The following SKI variants were observed in gnomAD, a reference collection of about 807,000 sequenced individuals.
The protein encoded by SKI is ski oncogene.
In SKI, 23 loss-of-function variants were observed where a neutral mutation model predicts 59.3. The ratio of observed to expected loss-of-function variants is 0.39; its 90% confidence interval spans 0.28 to 0.55. The LOEUF is 0.55. Ranked by LOEUF, SKI falls within the 20% of genes least tolerant of loss-of-function variation. The pLI is 0.67. For synonymous variants in SKI, 673 were observed against 488.6 expected, an observed-to-expected ratio of 1.38 and a Z score of -4.98; for missense variants, 1,017 against 1,038.9, an observed-to-expected ratio of 0.98 and a Z score of 0.29.
intron 1 of SKI, among the ~76,000 whole-genome samples, chr1:2,297,968 G>A (rs1210209258): frequency 6.6e-6 from 1 of 152,232 alleles, no homozygotes; most frequent in Non-Finnish European, 1.5e-5. Context: ...GCAGGCCTTG[G>A]GGTGTAGCCG....
In SKI at chr1:2,270,329, C is replaced by G. The variant is rs529865857; in HGVS notation, c.970-32649C>G. 2.7e-4 allele frequency among the ~76,000 whole-genome samples: 41 copies of G among 152,332 alleles called. No individual in the cohort carries two copies. The highest frequency in any genetic ancestry group is 6.0e-4 in the African/African-American group (25 of 41,580). ...GGGCTGAGAGATGCTGGTGACACCA[C>G]TCTGACGCCACGGCCTGAGGCAGCC... is the stretch of plus-strand genomic sequence containing the variant. On this transcript the variant is annotated intron_variant, in intron 1 of 6. Transcript: ENST00000378536. The surrounding 1 kb of genome is among the most constrained non-coding windows in gnomAD (Gnocchi z 4.1).
chr1:2,266,226 G>A (rs1431392070), intron 1 of SKI, among the ~76,000 whole-genome samples: 1 of 152,162 alleles, frequency 6.6e-6, no homozygotes, highest in Non-Finnish European at 1.5e-5. Flanking sequence ...CCTGGTGCAA[G>A]CCTCAGGCCT....
intron 1 of SKI, among the ~76,000 whole-genome samples, chr1:2,241,296 T>C (rs1471337474): frequency 6.6e-6 from 1 of 152,250 alleles, no homozygotes; most frequent in Non-Finnish European, 1.5e-5. Flanking sequence ...GTAGAGAGAT[T>C]AGCTCAATGC....
chr1:2,306,942 A>G lies in SKI; in HGVS notation c.*177A>G, dbSNP rs973403226. On this transcript the variant is annotated 3_prime_UTR_variant, in exon 7 of 7. Transcript: ENST00000378536. ...TTTGGAACCCACTGCAAAATTTTCTACTGGCCAAGTTCAAGTGAGTAAGCC... is the reference window on the plus strand; with the variant it reads ...TTTGGAACCCACTGCAAAATTTTCTGCTGGCCAAGTTCAAGTGAGTAAGCC... 1.3e-5 allele frequency: 5 copies of G among 390,954 alleles called. No individual in the cohort carries two copies. The highest frequency in any genetic ancestry group is 7.8e-4 in the Middle Eastern group (1 of 1,276). 24.2% of individuals were successfully genotyped at this position (390,954 alleles called of 1,614,324 possible). A position where few individuals can be genotyped will look rare whatever the true frequency, so the allele number is the denominator to read the frequency against.
At chr1:2,266,223 C>T (rs1639497203) in intron 1 of SKI, among the ~76,000 whole-genome samples, 1 of 152,156 alleles carries the variant, frequency 6.6e-6, no homozygotes, top group African/African-American at 2.4e-5. Context: ...TAGCCTGGTG[C>T]AAGCCTCAGG....
intron 5 of SKI, among the ~76,000 whole-genome samples, chr1:2,305,536 T>G (rs1640549655): frequency 6.6e-6 from 1 of 152,156 alleles, no homozygotes; most frequent in African/African-American, 2.4e-5. Flanking sequence ...TGTGGTGTGT[T>G]TGCAGCGTGG....
rs188223456 is a variant in SKI, at chr1:2,239,835, G to A, written c.969+10100G>A. Among the ~76,000 whole-genome samples the A allele has an allele frequency of 8.5e-3, 1,302 of 152,292 alleles. 9 individuals carry two copies. Among genetic ancestry groups the A allele is most frequent in the Middle Eastern group, 0.027 (8 of 294 alleles). On this transcript the variant is annotated intron_variant, in intron 1 of 6. Coordinates refer to ENST00000378536, the MANE Select transcript of SKI (RefSeq NM_003036.4). ...CCTCCGGGGCGTCCCAGTGTGCCTG[G>A]GCAGTGGCGCAGCTGGCTCCTTCCA... is the stretch of plus-strand genomic sequence containing the variant.
At chr1:2,243,254 C>A (rs1273636107) in intron 1 of SKI, among the ~76,000 whole-genome samples, 1 of 152,252 alleles carries the variant, frequency 6.6e-6, no homozygotes, top group Non-Finnish European at 1.5e-5. Context: ...ACAAACACAT[C>A]ACACGGGCTT....
chr1:2,282,408 CAGAGAGAGG>C (rs1639909420), intron 1 of SKI, among the ~76,000 whole-genome samples: 1 of 59,966 alleles, frequency 1.7e-5, no homozygotes, highest in African/African-American at 6.9e-5. Context: ...CGGAGATCTT[CAGAGAGAGG>C]ATGCCCGAGA....
At chr1:2,237,446 G>A (rs1449706597) in intron 1 of SKI, among the ~76,000 whole-genome samples, 1 of 152,184 alleles carries the variant, frequency 6.6e-6, no homozygotes, top group African/African-American at 2.4e-5. Flanking sequence ...CCAGGTGTCC[G>A]CTAATTACGT....
chr1:2,306,691 C>T lies in SKI; in HGVS notation c.2113C>T (p.Leu705=). The T allele has an allele frequency of 1.3e-6, 2 of 1,543,986 alleles. No homozygotes were observed. Among genetic ancestry groups the T allele is most frequent in the South Asian group, 1.2e-5 (1 of 83,694 alleles). The change falls in exon 7 of 7, where the codon CTG becomes TTG. Residue 705 remains leucine, a synonymous_variant. Transcript: ENST00000378536. ...GCACCTGGAGAAGGTGGTGAAGGAG[C>T]TGCAGGAACAGCTGTGGCCGCGGGC... ...REHLEKVVKE[L]QEQLWPRARP...
At chr1:2,252,698 G>T (rs1008422907) in intron 1 of SKI, among the ~76,000 whole-genome samples, 1 of 152,128 alleles carries the variant, frequency 6.6e-6, no homozygotes, top group Non-Finnish European at 1.5e-5. Context: ...CGTGGTATGG[G>T]TTCCTCCCTC....
intron 1 of SKI, among the ~76,000 whole-genome samples, chr1:2,299,262 G>A (rs1001373550): frequency 1.3e-5 from 2 of 150,300 alleles, no homozygotes; most frequent in African/African-American, 4.9e-5. Context: ...GAGGGGGGGG[G>A]CCACACGGGC....
intron 1 of SKI, among the ~76,000 whole-genome samples, chr1:2,300,231 G>T (rs769033039): frequency 6.6e-6 from 1 of 152,258 alleles, no homozygotes; most frequent in Non-Finnish European, 1.5e-5. Context: ...GCGGTGTGTC[G>T]TCTGGCCTCC....
intron 1 of SKI, among the ~76,000 whole-genome samples, chr1:2,296,208 G>C (rs563726956): frequency 8.7e-5 from 13 of 149,344 alleles, no homozygotes; most frequent in Admixed American, 1.3e-4. Flanking sequence ...GTGAAACCTT[G>C]TCTCTAGGAA....
chr1:2,231,551 C>T (rs1638638262), intron 1 of SKI, among the ~76,000 whole-genome samples: 1 of 152,212 alleles, frequency 6.6e-6, no homozygotes, highest in Non-Finnish European at 1.5e-5. Flanking sequence ...TAGAGACAGG[C>T]CAGACAGGCT....
intron 1 of SKI, among the ~76,000 whole-genome samples, chr1:2,295,121 C>T (rs531619807): frequency 1.3e-5 from 2 of 152,378 alleles, no homozygotes; most frequent in African/African-American, 4.8e-5. Flanking sequence ...CAGGTGAGCG[C>T]TGCCTGACCC....
chr1:2,283,437 T>C (rs193137553), intron 1 of SKI, among the ~76,000 whole-genome samples: 8 of 151,972 alleles, frequency 5.3e-5, no homozygotes, highest in African/African-American at 1.7e-4. Flanking sequence ...GAGGACAGAG[T>C]CTTGGAGAGG....
intron 1 of SKI, among the ~76,000 whole-genome samples, chr1:2,255,776 G>T (rs924208415): frequency 1.4e-5 from 2 of 140,130 alleles, no homozygotes. Context: ...TTTCTGTCTG[G>T]AGCACTCTGT....
Sources: gnomAD v4.1 joint callset for allele counts (sites outside exome capture counted in the v4.1 genomes callset) on GRCh38, gnomAD v4.1.1 for gene constraint, Gnocchi (gnomAD v3.1) non-coding constraint, MANE v1.5 for transcripts, NCBI Gene and HGNC (gene_info 2026-07-23, HGNC 2026-07-21) for gene names.